The following PACSIN1 variants were observed in gnomAD, a reference collection of about 807,000 sequenced individuals.
The protein encoded by PACSIN1 is protein kinase C and casein kinase substrate in neurons protein 1.
PACSIN1 carries 15 observed loss-of-function variants against 59.5 expected under a neutral mutation model. That is an observed-to-expected ratio of 0.25 (90% CI 0.17 to 0.39). The LOEUF (loss-of-function observed/expected upper bound fraction) is 0.39. Among genes scored for constraint, PACSIN1 ranks in the 10% least tolerant of loss-of-function variants. PACSIN1 has a pLI of 1.00. For synonymous variants in PACSIN1, 210 were observed against 220.6 expected (o/e 0.95, Z 0.42); for missense variants, 420 against 580.2 (o/e 0.72, Z 2.84).
In PACSIN1 at chr6:34,516,918, A is replaced by G. The variant is rs936596168; in HGVS notation, c.-63-9325A>G. Among the ~76,000 whole-genome samples the G allele has an allele frequency of 3.9e-5, 6 of 152,134 alleles. No homozygotes were observed. The highest frequency in any genetic ancestry group is 7.4e-5 in the Non-Finnish European group (5 of 68,008). On this transcript the variant is annotated intron_variant, in intron 1 of 9. Transcript: ENST00000244458. This position sits in a 1 kb window ranked among gnomAD's most constrained non-coding sequence, Gnocchi z 5.4. ...AGGAGCACTGAGAGGCCTGGAGCTC[A>G]GCAGGGGCTGGGGCCTGGGACACAG... is the stretch of plus-strand genomic sequence containing the variant.
In PACSIN1 at chr6:34,512,754, C is replaced by G. The variant is rs150413126; in HGVS notation, c.-63-13489C>G. 2.0e-5 allele frequency among the ~76,000 whole-genome samples: 3 copies of G among 152,334 alleles called. No homozygotes were observed. The East Asian group carries it at 5.8e-4, about 29-fold the overall frequency. On this transcript the variant is annotated intron_variant, in intron 1 of 9. Coordinates refer to ENST00000244458, the MANE Select transcript of PACSIN1 (RefSeq NM_020804.5). ...CCTGCCTTTGATCTAAGGATAGAAG[C>G]GAACTTGACTATGAAACTTTTAGAA...
chr6:34,498,261 C>T (rs763640938), intron 1 of PACSIN1, among the ~76,000 whole-genome samples: 1 of 151,996 alleles, frequency 6.6e-6, no homozygotes, highest in Non-Finnish European at 1.5e-5. Context: ...GGAGTTTCAC[C>T]ATATTGGCCA....
At position 34,531,585 on chromosome 6, in the gene PACSIN1, T is replaced by C; in HGVS notation, c.1038-15T>C. On this transcript the variant is annotated splice_polypyrimidine_tract_variant and intron_variant, in intron 8 of 9. Transcript: ENST00000244458. This position sits in a 1 kb window ranked among gnomAD's most constrained non-coding sequence, Gnocchi z 4.4. ...CGGGGAGACATTGAAGCTGGCTCCT[T>C]CCTCCGCGTCTCAGTGTTAGCAGCT... The C allele has an allele frequency of 6.2e-7, 1 of 1,612,678 alleles. No homozygotes were observed.
intron 1 of PACSIN1, among the ~76,000 whole-genome samples, chr6:34,517,424 T>C (rs1767312389): frequency 6.6e-6 from 1 of 152,126 alleles, no homozygotes; most frequent in Admixed American, 6.5e-5. Flanking sequence ...AACCCTGCAA[T>C]GGCTCCCATC....
chr6:34,492,905 G>A (rs1766898790), intron 1 of PACSIN1, among the ~76,000 whole-genome samples: 2 of 152,164 alleles, frequency 1.3e-5, no homozygotes, highest in Non-Finnish European at 2.9e-5. Flanking sequence ...TAACAAACCT[G>A]CACGTGTACT....
chr6:34,467,889 G>A (rs1442920720), intron 1 of PACSIN1, among the ~76,000 whole-genome samples: 1 of 152,158 alleles, frequency 6.6e-6, no homozygotes, highest in Non-Finnish European at 1.5e-5. Context: ...TTGATGGGCA[G>A]CTATGCCTTT....
intron 1 of PACSIN1, among the ~76,000 whole-genome samples, chr6:34,508,125 C>T (rs530485734): frequency 2.2e-5 from 3 of 136,054 alleles, no homozygotes; most frequent in East Asian, 3.9e-4. Flanking sequence ...TTGTTTGAGA[C>T]GGAGTTTCGC....
rs1312870494 is a variant in PACSIN1 at position 34,516,388 on chromosome 6, G to A, written c.-63-9855G>A. Among the ~76,000 whole-genome samples the A allele has an allele frequency of 1.3e-5, 2 of 152,200 alleles. No homozygotes were observed. Among genetic ancestry groups the A allele is most frequent in the African/African-American group, 4.8e-5 (2 of 41,448 alleles). On this transcript the variant is annotated intron_variant, in intron 1 of 9. Transcript: ENST00000244458. The surrounding 1 kb of genome is among the most constrained non-coding windows in gnomAD (Gnocchi z 5.4). ...CCTAGGAGGGAGAAGGGCAGGTCTC[G>A]GGGATGGCAGAAACGGGATGCAGAT... is the stretch of plus-strand genomic sequence containing the variant.
chr6:34,475,331 A>G (rs1412808599), intron 1 of PACSIN1, among the ~76,000 whole-genome samples: 2 of 152,030 alleles, frequency 1.3e-5, no homozygotes, highest in Non-Finnish European at 2.9e-5. Context: ...AAAAACACAT[A>G]TTTGTGCCTA....
At chr6:34,494,272 C>T (rs1766917256) in intron 1 of PACSIN1, among the ~76,000 whole-genome samples, 1 of 152,148 alleles carries the variant, frequency 6.6e-6, no homozygotes, top group Non-Finnish European at 1.5e-5. Context: ...CATGGTATGC[C>T]CCTACCTCTT....
chr6:34,525,105 A>T lies in PACSIN1; in HGVS notation c.-63-1138A>T, dbSNP rs559437936. 6.6e-6 allele frequency among the ~76,000 whole-genome samples: 1 copy of T among 152,384 alleles called. No homozygotes were observed. The highest frequency in any genetic ancestry group is 6.5e-5 in the Admixed American group (1 of 15,308). ...TAAGTGAAAAGTGCCAAGTTAAGAA[A>T]AGAAAAATTCAGACTCATTTCTTTG... is the stretch of plus-strand genomic sequence containing the variant. On this transcript the variant is annotated intron_variant, in intron 1 of 9. Transcript: ENST00000244458. This position sits in a 1 kb window ranked among gnomAD's most constrained non-coding sequence, Gnocchi z 4.9.
chr6:34,493,845 G>A (rs1766911592), intron 1 of PACSIN1, among the ~76,000 whole-genome samples: 1 of 152,256 alleles, frequency 6.6e-6, no homozygotes, highest in African/African-American at 2.4e-5. Context: ...GCTATCAGAT[G>A]TGGGAAGGGA....
intron 1 of PACSIN1, among the ~76,000 whole-genome samples, chr6:34,472,517 G>GA (rs1408424524): frequency 4.6e-5 from 7 of 152,094 alleles, no homozygotes; most frequent in Non-Finnish European, 7.3e-5. Flanking sequence ...TACTCATGAA[G>GA]AAAACAATTA....
intron 1 of PACSIN1, among the ~76,000 whole-genome samples, 178 bp downstream of exon 1, chr6:34,466,448 G>A (rs1209368140): frequency 6.6e-6 from 1 of 152,214 alleles, no homozygotes; most frequent in African/African-American, 2.4e-5. Flanking sequence ...TTCAGGGGAC[G>A]GAGTTCGCGG....
Position 34,531,487 on chromosome 6 carries a change from C to T in PACSIN1, c.1038-113C>T. 9.0e-7 allele frequency: 1 copy of T among 1,107,948 alleles called. No homozygotes were observed. The highest frequency in any genetic ancestry group is 1.5e-5 in the South Asian group (1 of 68,584). The allele number at this position is 1,107,948 out of a possible 1,614,324, so 68.6% of individuals were successfully genotyped here. A position where few individuals can be genotyped will look rare whatever the true frequency, so the allele number is the denominator to read the frequency against. Reference sequence around the variant, plus strand: ...GGTCACCCCTCCTATGTGGCCAATCCTTGCTCTAGCCTTGGTAGAATTCGG... The same window carrying T: ...GGTCACCCCTCCTATGTGGCCAATCTTTGCTCTAGCCTTGGTAGAATTCGG... On this transcript the variant is annotated intron_variant, in intron 8 of 9. Coordinates refer to ENST00000244458, the MANE Select transcript of PACSIN1 (RefSeq NM_020804.5). The surrounding 1 kb of genome is among the most constrained non-coding windows in gnomAD (Gnocchi z 4.4).
intron 1 of PACSIN1, among the ~76,000 whole-genome samples, chr6:34,523,699 G>A (rs1382585540): frequency 6.6e-6 from 1 of 152,208 alleles, no homozygotes; most frequent in Non-Finnish European, 1.5e-5. Flanking sequence ...GTGACAGCAG[G>A]TACCGACTGC....
At chr6:34,493,675 C>T (rs180765707) in intron 1 of PACSIN1, among the ~76,000 whole-genome samples, 18 of 152,300 alleles carry the variant, frequency 1.2e-4, no homozygotes, top group Admixed American at 7.2e-4. Context: ...GGTAGGAGGA[C>T]GTGAGATGTG....
chr6:34,471,641 G>A (rs1022671133), intron 1 of PACSIN1, among the ~76,000 whole-genome samples: 17 of 152,196 alleles, frequency 1.1e-4, no homozygotes, highest in African/African-American at 2.9e-4. Context: ...GGCGGAGGGC[G>A]TGGGAAACTA....
chr6:34,503,736 T>G (rs1366444339), intron 1 of PACSIN1, among the ~76,000 whole-genome samples: 1 of 152,224 alleles, frequency 6.6e-6, no homozygotes, highest in Admixed American at 6.5e-5. Context: ...AGCCTCTTTT[T>G]TGTTGTTTTT....
Sources: allele counts gnomAD v4.1 joint callset (sites outside exome capture counted in the v4.1 genomes callset), GRCh38; gene constraint gnomAD v4.1.1; non-coding constraint Gnocchi (gnomAD v3.1); transcripts MANE v1.5; gene names NCBI Gene and HGNC (gene_info 2026-07-23, HGNC 2026-07-21).